The following HEG1 variants were observed in gnomAD, a reference collection of about 807,000 sequenced individuals.
HEG1 encodes the protein heart development protein with EGF like domains 1.
HEG1 carries 56 observed loss-of-function variants against 125.6 expected under a neutral mutation model. The ratio of observed to expected loss-of-function variants is 0.45; its 90% CI spans 0.36 to 0.56. HEG1 has a LOEUF of 0.56. Among genes scored for constraint, HEG1 ranks in the 20% least tolerant of loss-of-function variants. The pLI, the probability that HEG1 is intolerant of heterozygous loss-of-function variation, is 0.00. For synonymous variants in HEG1, 644 were observed against 668.5 expected (o/e 0.96, Z 0.57); for missense variants, 1,523 against 1,670.0 (o/e 0.91, Z 1.53).
intron 6 of HEG1, among the ~76,000 whole-genome samples, 176 bp from the exon 7 acceptor site, chr3:125,010,731 G>C (rs956677162): frequency 6.6e-6 from 1 of 152,234 alleles, no homozygotes; most frequent in Non-Finnish European, 1.5e-5. Flanking sequence ...TTGGGACTGG[G>C]TCCTGGTACT....
intron 1 of HEG1, 120 bp from the exon 2 acceptor site, chr3:125,029,608 G>A: frequency 9.9e-7 from 1 of 1,009,046 alleles, no homozygotes; most frequent in Non-Finnish European, 1.4e-6. Flanking sequence ...AAAGAATTTT[G>A]GCCAGGCATG....
In HEG1 at chr3:125,055,053, C is replaced by A. The variant is rs2948801; in HGVS notation, c.316+522G>T. 5.1e-3 allele frequency among the ~76,000 whole-genome samples: 782 copies of A among 152,302 alleles called. 5 individuals are homozygous for A. Among genetic ancestry groups the A allele is most frequent in the Non-Finnish European group, 8.9e-3 (605 of 68,032 alleles). ...AGGGGTTCAACCATGCAACCCCAAC[C>A]GCGTTCCTTTGCTTTTAAGTCGAAC... On this transcript the variant is annotated intron_variant, in intron 1 of 16. Transcript: ENST00000311127.
intron 12 of HEG1, among the ~76,000 whole-genome samples, chr3:124,993,126 T>C (rs1936858611): frequency 6.6e-6 from 1 of 152,176 alleles, no homozygotes; most frequent in Non-Finnish European, 1.5e-5. Context: ...AAGTCATGTT[T>C]CCCTTTTTGC....
At chr3:125,039,607 C>T (rs1937575725) in intron 1 of HEG1, among the ~76,000 whole-genome samples, 1 of 152,156 alleles carries the variant, frequency 6.6e-6, no homozygotes, top group East Asian at 1.9e-4. Flanking sequence ...CTATTTAGGG[C>T]TTACCACGTG....
At chr3:125,024,831 G>A (rs1937392104) in intron 3 of HEG1, among the ~76,000 whole-genome samples, 1 of 152,198 alleles carries the variant, frequency 6.6e-6, no homozygotes, top group African/African-American at 2.4e-5. Flanking sequence ...AGATCATCTG[G>A]TCAAATTCCT....
At chr3:124,992,259 C>T (rs2107692389) in intron 12 of HEG1, among the ~76,000 whole-genome samples, 2 of 152,304 alleles carry the variant, frequency 1.3e-5, no homozygotes, top group South Asian at 4.1e-4. Flanking sequence ...TCATGGAACG[C>T]TACTTCACTG....
intron 9 of HEG1, among the ~76,000 whole-genome samples, chr3:125,004,305 T>C (rs989889371): frequency 2.0e-5 from 3 of 152,322 alleles, no homozygotes; most frequent in Middle Eastern, 3.4e-3. Context: ...TGGAAATCAA[T>C]TCATCTCTAA....
intron 14 of HEG1, among the ~76,000 whole-genome samples, chr3:124,987,323 C>G (rs967274983): frequency 2.0e-5 from 3 of 152,174 alleles, no homozygotes; most frequent in African/African-American, 4.8e-5. Context: ...CAGGTCATAT[C>G]TCTTACCTCC....
At chr3:125,001,602 A>T (rs1471851482) in intron 11 of HEG1, among the ~76,000 whole-genome samples, 1 of 152,182 alleles carries the variant, frequency 6.6e-6, no homozygotes, top group Non-Finnish European at 1.5e-5. Flanking sequence ...AAACAGAAGG[A>T]GCTGCATGCC....
chr3:124,979,423 C>G (rs1936610187), intron 14 of HEG1, among the ~76,000 whole-genome samples: 1 of 152,166 alleles, frequency 6.6e-6, no homozygotes, highest in Non-Finnish European at 1.5e-5. Flanking sequence ...AGATACACAT[C>G]AAATTTAATT....
chr3:125,046,781 T>C (rs766410616), intron 1 of HEG1, among the ~76,000 whole-genome samples: 2 of 152,214 alleles, frequency 1.3e-5, no homozygotes, highest in African/African-American at 2.4e-5. Context: ...GAGTTGCTCA[T>C]GTGGCTCACA....
At chr3:125,002,106 C>T (rs1273251085) in intron 10 of HEG1, 94 bp from the exon 11 acceptor site, 16 of 1,539,192 alleles carry the variant, frequency 1.0e-5, no homozygotes, top group Admixed American at 5.3e-5. Flanking sequence ...TCACCAGTGA[C>T]GGGATGGGAG....
chr3:124,999,465 C>T (rs752103331), intron 11 of HEG1, among the ~76,000 whole-genome samples: 2 of 152,222 alleles, frequency 1.3e-5, no homozygotes, highest in East Asian at 1.9e-4. Flanking sequence ...CAGGCTGACA[C>T]TTGCCTTGTC....
intron 15 of HEG1, among the ~76,000 whole-genome samples, chr3:124,976,490 A>G (rs1379128873): frequency 7.4e-6 from 1 of 134,448 alleles, no homozygotes; most frequent in African/African-American, 3.0e-5. Context: ...CCCAGCAGCT[A>G]TTTTCTATTT....
rs139315037 is a variant in HEG1 at position 124,984,604 on chromosome 3, C to T, written c.3733+6183G>A. On this transcript the variant is annotated intron_variant, in intron 14 of 16. Transcript: ENST00000311127. ...TGAAAACCTGCCTCTACTAAAAATA[C>T]AAAAAGTTACCCAGGTGTGGTGGTG... Among the ~76,000 whole-genome samples, 463 of 152,000 alleles carry T rather than the reference C, an allele frequency of 3.0e-3. 1 individual carries two copies. In the Middle Eastern group the frequency reaches 0.031, roughly 10 times the overall value.
intron 11 of HEG1, among the ~76,000 whole-genome samples, 159 bp downstream of exon 11, chr3:125,001,690 AAAG>A (rs1388415671): frequency 1.3e-5 from 2 of 152,216 alleles, no homozygotes; most frequent in Non-Finnish European, 2.9e-5. Flanking sequence ...TGCACACATA[AAAG>A]AAGATGCATG....
intron 3 of HEG1, among the ~76,000 whole-genome samples, chr3:125,026,936 G>T (rs1415695247): frequency 6.6e-6 from 1 of 152,156 alleles, no homozygotes; most frequent in East Asian, 1.9e-4. Flanking sequence ...GGAGGCAGAG[G>T]TTGCAGTGAG....
intron 8 of HEG1, among the ~76,000 whole-genome samples, chr3:125,009,352 G>C (rs529192685): frequency 7.8e-4 from 118 of 151,628 alleles, no homozygotes; most frequent in African/African-American, 2.8e-3. Context: ...GCTCCAGGGT[G>C]GAGTGGTTAA....
At chr3:124,978,915 A>G (rs1004934116) in intron 14 of HEG1, among the ~76,000 whole-genome samples, 1 of 151,682 alleles carries the variant, frequency 6.6e-6, no homozygotes, top group Non-Finnish European at 1.5e-5. Flanking sequence ...TAATTTTTTG[A>G]GTTAATGGTG....
Sources: allele counts gnomAD v4.1 joint callset (sites outside exome capture counted in the v4.1 genomes callset), GRCh38; gene constraint gnomAD v4.1.1; transcripts MANE v1.5; gene names NCBI Gene and HGNC (gene_info 2026-07-23, HGNC 2026-07-21).